Variants in UNC50 observed in about 807,000 individuals in gnomAD.
The protein encoded by UNC50 is unc-50 inner nuclear membrane RNA binding protein.
Under a neutral mutation model 31.5 loss-of-function variants are expected in UNC50, and 24 were observed. The ratio of observed to expected loss-of-function variants is 0.76; its 90% CI spans 0.55 to 1.07. The LOEUF is 1.07. Among genes scored for constraint, UNC50 ranks in the 50% least tolerant of loss-of-function variants. The pLI, the probability that UNC50 is intolerant of heterozygous loss-of-function variation, is 0.00. For missense variants in UNC50, 245 were observed against 304.2 expected, an observed-to-expected ratio of 0.81 and a Z score of 1.45; for synonymous variants, 118 against 114.7, an observed-to-expected ratio of 1.03 and a Z score of -0.18.
rs1291255999 is a variant in UNC50 at position 98,618,385 on chromosome 2, A to G, written c.*81A>G. On this transcript the variant is annotated 3_prime_UTR_variant, in exon 6 of 6. Transcript: ENST00000357765. ...TTCTTGTAAAACTTGTAAATAAACTATCATCTTTGTAGATATCTTAAAGGT... is the reference window on the plus strand; with the variant it reads ...TTCTTGTAAAACTTGTAAATAAACTGTCATCTTTGTAGATATCTTAAAGGT... 2 of 1,430,428 alleles carry G rather than the reference A, an allele frequency of 1.4e-6. No individual in the cohort carries two copies. The highest frequency in any genetic ancestry group is 9.3e-7 in the Non-Finnish European group (1 of 1,080,250). 88.6% of individuals were successfully genotyped at this position (1,430,428 alleles called of 1,614,324 possible). A position where few individuals can be genotyped will look rare whatever the true frequency, so the allele number is the denominator to read the frequency against.
intron 2 of UNC50, among the ~76,000 whole-genome samples, chr2:98,610,530 C>T (rs1700809098): frequency 6.6e-6 from 1 of 152,210 alleles, no homozygotes. Context: ...TTAGTGCCTT[C>T]TCTACACTGG....
At position 98,610,793 on chromosome 2, in the gene UNC50, G is replaced by C. The variant is rs368204582; in HGVS notation, c.299G>C (p.Gly100Ala). Residue 100 changes from glycine to alanine, a missense_variant, in exon 3 of 6, where the codon GGC becomes GCC. Coordinates refer to ENST00000357765, the MANE Select transcript of UNC50 (RefSeq NM_014044.7). The stretch of plus-strand genomic sequence containing the variant: ...CTTTCAGTGTCCACTATAGGATTTG[G>C]CTTTGTGCTGGACATGGGATTCTTT... The part of the protein sequence containing the change: ...IWLCVSTIGF[G>A]FVLDMGFFET... The C allele has an allele frequency of 5.6e-6, 9 of 1,613,944 alleles. No individual in the cohort carries two copies. Among genetic ancestry groups the C allele is most frequent in the African/African-American group, 5.3e-5 (4 of 74,910 alleles).
At position 98,616,530 on chromosome 2, in the gene UNC50, A is replaced by C; in HGVS notation, c.640A>C (p.Ser214Arg). 6.2e-7 allele frequency: 1 copy of C among 1,611,236 alleles called. No homozygotes were observed. The highest frequency in any genetic ancestry group is 8.5e-7 in the Non-Finnish European group (1 of 1,177,944). ...TATCTATGTAACTTTCCTGGGATAC[A>C]GTGGTAAGTAATTTTTTTAAATGTT... Reference protein sequence around the residue: ...YYIYVTFLGYSALPFLKNTVI... With the variant: ...YYIYVTFLGYRALPFLKNTVI... The change falls in exon 5 of 6, where the codon AGT becomes CGT. Residue 214 changes from serine to arginine, a missense_variant. Coordinates refer to ENST00000357765, the MANE Select transcript of UNC50 (RefSeq NM_014044.7).
intron 4 of UNC50, 39 bp from the exon 5 acceptor site, chr2:98,616,393 A>G (rs371392430): frequency 1.2e-6 from 2 of 1,613,592 alleles, no homozygotes; most frequent in Non-Finnish European, 1.7e-6. Context: ...CATTGCATGC[A>G]TTGGTAAAGG....
chr2:98,615,559 G>A (rs752022374), intron 3 of UNC50, among the ~76,000 whole-genome samples: 55 of 152,006 alleles, frequency 3.6e-4, no homozygotes, highest in Non-Finnish European at 1.3e-4. Context: ...TCAGAGTATC[G>A]TGTGTGCCAC....
intron 3 of UNC50, among the ~76,000 whole-genome samples, chr2:98,612,994 A>G (rs1311996227): frequency 6.6e-6 from 1 of 152,252 alleles, no homozygotes; most frequent in Non-Finnish European, 1.5e-5. Flanking sequence ...CTTGCTGGAC[A>G]CAGTTGCCAC....
At position 98,618,159 on chromosome 2, in the gene UNC50, C is replaced by A; in HGVS notation, c.644-9C>A. 17 of 1,419,292 alleles carry A rather than the reference C, an allele frequency of 1.2e-5. No homozygotes were observed. Among genetic ancestry groups the A allele is most frequent in the African/African-American group, 1.5e-5 (1 of 65,462 alleles). 87.9% of individuals were successfully genotyped at this position (1,419,292 alleles called of 1,614,324 possible). A position where few individuals can be genotyped will look rare whatever the true frequency, so the allele number is the denominator to read the frequency against. Reference sequence around the variant, plus strand: ...TTTTTAAATCAGTTTGGATTCCTTTCTTTTCCAGCATTGCCATTTTTGAAA... The same window carrying A: ...TTTTTAAATCAGTTTGGATTCCTTTATTTTCCAGCATTGCCATTTTTGAAA... On this transcript the variant is annotated splice_polypyrimidine_tract_variant and intron_variant, in intron 5 of 5. Coordinates refer to ENST00000357765, the MANE Select transcript of UNC50 (RefSeq NM_014044.7).
At chr2:98,611,060 A>G (rs573293495) in intron 3 of UNC50, among the ~76,000 whole-genome samples, 165 bp downstream of exon 3, 10 of 152,384 alleles carry the variant, frequency 6.6e-5, no homozygotes, top group African/African-American at 2.2e-4. Flanking sequence ...GTTGCCACCT[A>G]TATCAGAAAA....
chr2:98,618,122 TA>T (rs774278138), intron 5 of UNC50, 45 bp from the exon 6 acceptor site: 247 of 1,297,636 alleles, frequency 1.9e-4, no homozygotes, highest in African/African-American at 4.3e-4. Flanking sequence ...ATTAGTCATT[TA>T]TTTTTTTTTT....
intron 3 of UNC50, among the ~76,000 whole-genome samples, chr2:98,615,372 A>C (rs1482130028): frequency 1.3e-5 from 2 of 152,210 alleles, no homozygotes; most frequent in African/African-American, 4.8e-5. Flanking sequence ...TCAACATAAC[A>C]GGTCCAAATT....
intron 3 of UNC50, among the ~76,000 whole-genome samples, chr2:98,615,471 T>C (rs1222842992): frequency 1.3e-5 from 2 of 152,216 alleles, no homozygotes; most frequent in Non-Finnish European, 2.9e-5. Context: ...CTTCCATTTG[T>C]TCAAGGCAGA....
chr2:98,613,460 T>A (rs1464617849), intron 3 of UNC50, among the ~76,000 whole-genome samples: 1 of 152,206 alleles, frequency 6.6e-6, no homozygotes, highest in East Asian at 1.9e-4. Context: ...TCAGGAAACT[T>A]ATAATCATGG....
rs955162560 is a variant in UNC50, at chr2:98,608,642, C to T, written c.-89C>T. The T allele has an allele frequency of 1.6e-5, 9 of 569,372 alleles. No homozygotes were observed. The highest frequency in any genetic ancestry group is 2.8e-5 in the Non-Finnish European group (9 of 320,118). The allele number at this position is 569,372 out of a possible 1,614,324, so 35.3% of individuals were successfully genotyped here. On this transcript the variant is annotated 5_prime_UTR_variant, in exon 1 of 6. Coordinates refer to ENST00000357765, the MANE Select transcript of UNC50 (RefSeq NM_014044.7). ...GCCGGCTCCGTTGAGGGAAGGGAAGCCCGCCCGGTGGCGGCTGGGGTCGGC... is the reference window on the plus strand; with the variant it reads ...GCCGGCTCCGTTGAGGGAAGGGAAGTCCGCCCGGTGGCGGCTGGGGTCGGC...
At chr2:98,617,856 T>A (rs1177862214) in intron 5 of UNC50, among the ~76,000 whole-genome samples, 2 of 152,162 alleles carry the variant, frequency 1.3e-5, no homozygotes, top group African/African-American at 2.4e-5. Context: ...TCACCACTGT[T>A]TTCATGAATA....
Position 98,618,279 on chromosome 2 carries a change from C to A in UNC50, c.755C>A (p.Ser252Tyr). The A allele has an allele frequency of 6.2e-7, 1 of 1,608,552 alleles. No individual in the cohort carries two copies. Among genetic ancestry groups the A allele is most frequent in the Non-Finnish European group, 8.5e-7 (1 of 1,178,272 alleles). The change falls in exon 6 of 6, where the codon TCT becomes TAT. Residue 252 changes from serine to tyrosine, a missense_variant. Transcript: ENST00000357765. ...LGWNFTHTLC[S>Y]FYKYRVK ...TGGAACTTCACCCATACTCTCTGTT[C>A]TTTCTATAAGTACAGAGTGAAATAA...
rs1354003644 is a variant in UNC50 at position 98,618,389 on chromosome 2, T to A, written c.*85T>A. The stretch of plus-strand genomic sequence containing the variant: ...TGTAAAACTTGTAAATAAACTATCA[T>A]CTTTGTAGATATCTTAAAGGTGTAA... On this transcript the variant is annotated 3_prime_UTR_variant, in exon 6 of 6. Coordinates refer to ENST00000357765, the MANE Select transcript of UNC50 (RefSeq NM_014044.7). 7.1e-7 allele frequency: 1 copy of A among 1,405,404 alleles called. No individual in the cohort carries two copies. The highest frequency in any genetic ancestry group is 9.4e-7 in the Non-Finnish European group (1 of 1,062,988). 87.1% of individuals were successfully genotyped at this position (1,405,404 alleles called of 1,614,324 possible). A position where few individuals can be genotyped will look rare whatever the true frequency, so the allele number is the denominator to read the frequency against.
At chr2:98,611,512 A>G (rs1700828871) in intron 3 of UNC50, among the ~76,000 whole-genome samples, 1 of 152,222 alleles carries the variant, frequency 6.6e-6, no homozygotes, top group African/African-American at 2.4e-5. Context: ...AGAGGAAGCA[A>G]TCAGATAAAC....
At chr2:98,612,453 A>G (rs1261338011) in intron 3 of UNC50, among the ~76,000 whole-genome samples, 1 of 150,670 alleles carries the variant, frequency 6.6e-6, no homozygotes, top group African/African-American at 2.4e-5. Flanking sequence ...TCTGTCACCC[A>G]GGCTGGAGTG....
chr2:98,616,437 A>G lies in UNC50; in HGVS notation c.547A>G (p.Ile183Val). The G allele has an allele frequency of 6.2e-7, 1 of 1,614,062 alleles. No individual in the cohort carries two copies. Among genetic ancestry groups the G allele is most frequent in the East Asian group, 2.2e-5 (1 of 44,866 alleles). Reference protein sequence around the residue: ...FIQLFFINHVILTDTFIGYLV... With the variant: ...FIQLFFINHVVLTDTFIGYLV... ...GTCTGCGTCTCTTCTGGCAGATGTT[A>G]TCCTGACAGACACATTTATTGGATA... The change falls in exon 5 of 6, where the codon ATC (isoleucine) becomes GTC (valine). Residue 183 changes from isoleucine (I) to valine (V), a missense_variant. Coordinates refer to ENST00000357765, the MANE Select transcript of UNC50 (RefSeq NM_014044.7).
Sources: gnomAD v4.1 joint callset for allele counts (sites outside exome capture counted in the v4.1 genomes callset) on GRCh38, gnomAD v4.1.1 for gene constraint, MANE v1.5 for transcripts, NCBI Gene and HGNC (gene_info 2026-07-23, HGNC 2026-07-21) for gene names.